The following TTC5 variants were observed in gnomAD, a reference collection of about 807,000 sequenced individuals.
TTC5 encodes tetratricopeptide repeat protein 5.
Under a neutral mutation model 57.4 loss-of-function variants are expected in TTC5, and 46 were observed. That is an observed-to-expected ratio of 0.80 (90% confidence interval 0.63 to 1.03). The LOEUF is 1.03. Among genes scored for constraint, TTC5 ranks in the 50% least tolerant of loss-of-function variants. TTC5 has a pLI of 0.00. For synonymous variants in TTC5, 190 were observed against 203.5 expected (o/e 0.93, Z 0.57); for missense variants, 504 against 528.1 (o/e 0.95, Z 0.45).
chr14:20,298,575 G>A (rs1464632677), intron 5 of TTC5, among the ~76,000 whole-genome samples: 1 of 151,902 alleles, frequency 6.6e-6, no homozygotes, highest in Non-Finnish European at 1.5e-5. Context: ...AGGTCAAGGA[G>A]CTATCCAGCA....
At chr14:20,299,485 T>C (rs777942731) in intron 3 of TTC5, 37 bp from the exon 4 acceptor site, 1 of 1,603,290 alleles carries the variant, frequency 6.2e-7, no homozygotes, top group Non-Finnish European at 8.5e-7. Context: ...ATCTTCCTGA[T>C]TCTACCTCCC....
At position 20,289,420 on chromosome 14, in the gene TTC5, A is replaced by G. The variant is rs535844243; in HGVS notation, c.*207T>C. Reference sequence around the variant, plus strand: ...GTGGAAGAGACAGGAGAGATATGCCAGAAGAGTATGTGGCCCTGTAGAGAG... The same window carrying G: ...GTGGAAGAGACAGGAGAGATATGCCGGAAGAGTATGTGGCCCTGTAGAGAG... On this transcript the variant is annotated 3_prime_UTR_variant, in exon 10 of 10. Transcript: ENST00000258821. 109 of 445,544 alleles carry G rather than the reference A, an allele frequency of 2.4e-4. 1 individual carries two copies. The highest frequency in any genetic ancestry group is 2.4e-3 in the Middle Eastern group (4 of 1,664). The allele number at this position is 445,544 out of a possible 1,614,324, so 27.6% of individuals were successfully genotyped here. A position where few individuals can be genotyped will look rare whatever the true frequency, so the allele number is the denominator to read the frequency against.
chr14:20,294,293 G>A (rs1366044304), intron 8 of TTC5: 1 of 152,216 alleles, frequency 6.6e-6, no homozygotes, highest in East Asian at 1.9e-4. Context: ...AGAAACCAAG[G>A]AGTGGCAAAA....
At chr14:20,292,594 T>C (rs1382009703) in intron 8 of TTC5, 1 of 152,424 alleles carries the variant, frequency 6.6e-6, no homozygotes, top group East Asian at 1.9e-4. Flanking sequence ...GAATATTACA[T>C]ATGTGCCAAG....
rs1291386376 is a variant in TTC5, at chr14:20,287,171, C to T, written c.*2456G>A. ...CTTAAACAGTGGTTCTCAAATTTTA[C>T]TGTGCATCAGAGTCACCTGGAGGGT... On this transcript the variant is annotated 3_prime_UTR_variant, in exon 10 of 10. Coordinates refer to ENST00000258821, the MANE Select transcript of TTC5 (RefSeq NM_138376.3). The T allele has an allele frequency of 8.5e-5, 13 of 152,174 alleles. No homozygotes were observed. Among genetic ancestry groups the T allele is most frequent in the Admixed American group, 8.5e-4 (13 of 15,276 alleles). 9.4% of individuals were successfully genotyped at this position (152,174 alleles called of 1,614,324 possible).
chr14:20,295,254 G>A, intron 8 of TTC5, 58 bp downstream of exon 8: 1 of 1,511,830 alleles, frequency 6.6e-7, no homozygotes. Context: ...GGAAAGAACA[G>A]GAAGTGAGAG....
At chr14:20,305,486 T>C (rs780159277) in intron 1 of TTC5, 3 of 204,298 alleles carry the variant, frequency 1.5e-5, no homozygotes, top group African/African-American at 2.3e-5. Flanking sequence ...ATTAGCGTGA[T>C]TGTTGCCAAA....
intron 6 of TTC5, 53 bp downstream of exon 6, chr14:20,296,337 C>CAT (rs1882062067): frequency 1.4e-6 from 2 of 1,393,180 alleles, no homozygotes; most frequent in Non-Finnish European, 2.0e-6. Context: ...CAAGCTAAGA[C>CAT]ATAGGTGTCT....
At chr14:20,294,362 C>T (rs1347761801) in intron 8 of TTC5, 1 of 152,086 alleles carries the variant, frequency 6.6e-6, no homozygotes. Flanking sequence ...CTTTCTAATT[C>T]TTCTCAGCTC....
chr14:20,305,534 T>C (rs1262053591), intron 1 of TTC5: 2 of 285,340 alleles, frequency 7.0e-6, no homozygotes, highest in Non-Finnish European at 6.6e-6. Flanking sequence ...TTTGTAGGGA[T>C]CAAAACAACA....
chr14:20,296,496 A>G lies in TTC5; in HGVS notation c.640-50T>C, dbSNP rs369401519. The stretch of plus-strand genomic sequence containing the variant: ...AGTGGATCCTGTCTCAATGTTAAGG[A>G]CTGACATGCCCAACATGTCCTACGC... On this transcript the variant is annotated intron_variant, in intron 5 of 9. Coordinates refer to ENST00000258821, the MANE Select transcript of TTC5 (RefSeq NM_138376.3). 5.6e-6 allele frequency: 8 copies of G among 1,429,460 alleles called. No homozygotes were observed. In the African/African-American group the frequency reaches 1.1e-4, roughly 20 times the overall value. The allele number at this position is 1,429,460 out of a possible 1,614,324, so 88.5% of individuals were successfully genotyped here. A position where few individuals can be genotyped will look rare whatever the true frequency, so the allele number is the denominator to read the frequency against.
At chr14:20,302,198 T>C (rs892389247) in intron 1 of TTC5, among the ~76,000 whole-genome samples, 1 of 152,194 alleles carries the variant, frequency 6.6e-6, no homozygotes, top group South Asian at 2.1e-4. Flanking sequence ...AGTGTCTCTA[T>C]TGTGATGACC....
intron 8 of TTC5, chr14:20,294,490 T>C (rs1882021201): frequency 6.6e-6 from 1 of 152,138 alleles, no homozygotes; most frequent in Admixed American, 6.5e-5. Flanking sequence ...ATGGGAATTG[T>C]GAATATTTCT....
intron 6 of TTC5, among the ~76,000 whole-genome samples, chr14:20,296,164 C>CA: frequency 6.6e-6 from 1 of 152,310 alleles, no homozygotes; most frequent in African/African-American, 2.4e-5. Context: ...AAGATCCCCC[C>CA]ATTCTCTACC....
chr14:20,295,521 C>T lies in TTC5; in HGVS notation c.849G>A (p.Lys283=). Residue 283 remains lysine, a synonymous_variant, in exon 8 of 10, where the codon AAG becomes AAA. Transcript: ENST00000258821. ...TGCTCTGCAGCTTTTTGGTCTTCACCTTTCCCTGCAAAGAAGGGGAAATAG... is the reference window on the plus strand; with the variant it reads ...TGCTCTGCAGCTTTTTGGTCTTCACTTTTCCCTGCAAAGAAGGGGAAATAG... ...RLTSLLESKG[K]VKTKKLQSML... is the part of the protein sequence containing the mutation. 7 of 1,608,700 alleles carry T rather than the reference C, an allele frequency of 4.4e-6. No individual in the cohort carries two copies. Among genetic ancestry groups the T allele is most frequent in the South Asian group, 2.2e-5 (2 of 90,978 alleles).
intron 5 of TTC5, among the ~76,000 whole-genome samples, 196 bp downstream of exon 5, chr14:20,298,601 G>A (rs1420245721): frequency 7.2e-6 from 1 of 137,994 alleles, no homozygotes; most frequent in Non-Finnish European, 1.7e-5. Flanking sequence ...GCGACACGAT[G>A]CAAGTGGTTC....
chr14:20,302,304 A>T (rs1451851678), intron 1 of TTC5, among the ~76,000 whole-genome samples: 1 of 152,220 alleles, frequency 6.6e-6, no homozygotes, highest in Admixed American at 6.5e-5. Flanking sequence ...AAGATAAACC[A>T]AAAGTTAGTA....
At chr14:20,305,723 T>C (rs1882277534) in intron 1 of TTC5, 164 bp downstream of exon 1, 1 of 684,006 alleles carries the variant, frequency 1.5e-6, no homozygotes. Flanking sequence ...CCAACGAGGC[T>C]CCCTGGCTGG....
At position 20,292,017 on chromosome 14, in the gene TTC5, T is replaced by C. The variant is rs144420929; in HGVS notation, c.1169A>G (p.Asn390Ser). The change falls in exon 9 of 10, where the codon AAC becomes AGC. Residue 390 changes from asparagine (N) to serine (S), a missense_variant. By Grantham distance (46) the Asn-to-Ser change is conservative. Coordinates refer to ENST00000258821, the MANE Select transcript of TTC5 (RefSeq NM_138376.3). ...GTGCTGAATTCGGTGAAGCCGCAGG[T>C]TGGGCTCAGGAATGGCTACAGAGTC... ...IGDSVAIPEP[N>S]LRLHRIQHKG... 6.3e-6 allele frequency: 10 copies of C among 1,589,984 alleles called. No homozygotes were observed. Among genetic ancestry groups the C allele is most frequent in the Non-Finnish European group, 8.6e-6 (10 of 1,168,270 alleles).
Sources: allele counts gnomAD v4.1 joint callset (sites outside exome capture counted in the v4.1 genomes callset), GRCh38; gene constraint gnomAD v4.1.1; transcripts MANE v1.5; gene names NCBI Gene and HGNC (gene_info 2026-07-23, HGNC 2026-07-21).